Variants in LYPD5 observed in about 807,000 individuals in gnomAD.
LYPD5 encodes LY6/PLAUR domain containing 5.
LYPD5 carries 21 observed loss-of-function variants against 19.1 expected under a neutral mutation model. The ratio of observed to expected loss-of-function variants is 1.10; its 90% confidence interval spans 0.78 to 1.58. The LOEUF (loss-of-function observed/expected upper bound fraction) is 1.58, where lower values mean the gene tolerates loss of function less well. Among genes scored for constraint, LYPD5 ranks in the 40% most tolerant of loss-of-function variants. The probability of loss-of-function intolerance (pLI) is 0.00; values close to 1 mark genes in which losing one functional copy is unlikely to be tolerated. For synonymous variants in LYPD5, 128 were observed against 142.7 expected (o/e 0.90, Z 0.74); for missense variants, 287 against 329.8 (o/e 0.87, Z 1.00).
chr19:43,804,005 T>A (rs542047812), upstream of LYPD5, among the ~76,000 whole-genome samples: 1 of 151,874 alleles, frequency 6.6e-6, no homozygotes, highest in South Asian at 2.1e-4. Flanking sequence ...GCCTGGCTAA[T>A]TTTTGTATTT....
chr19:43,811,735 G>A (rs200686340), intron 1 of LYPD5, among the ~76,000 whole-genome samples: 4 of 47,220 alleles, frequency 8.5e-5, no homozygotes, highest in East Asian at 9.1e-4. Flanking sequence ...GAGAGGGAGG[G>A]AGGAAGGAAG....
chr19:43,807,854 A>G (rs1041111634), intron 1 of LYPD5, among the ~76,000 whole-genome samples: 1 of 152,232 alleles, frequency 6.6e-6, no homozygotes, highest in Non-Finnish European at 1.5e-5. Context: ...AGGGGCTGAC[A>G]TCAGAAGCAG....
chr19:43,818,876 T>C (rs913557701), intron 1 of LYPD5, among the ~76,000 whole-genome samples: 15 of 152,252 alleles, frequency 9.9e-5, no homozygotes, highest in Admixed American at 6.5e-4. Flanking sequence ...TGCTGTATCA[T>C]TAATGACTAA....
chr19:43,798,417 T>G, intron 4 of LYPD5, 38 bp downstream of exon 4: 1 of 1,600,768 alleles, frequency 6.2e-7, no homozygotes, highest in Non-Finnish European at 8.5e-7. Flanking sequence ...TGCCTCCATA[T>G]CCCTTGCCCA....
In LYPD5 at chr19:43,799,760, G is replaced by C. The variant is rs114779742; in HGVS notation, c.139C>G (p.Pro47Ala). ...GPFDLRAMKL[P>A]SISCPHECFE... ...CACTCATGAGGACAGGAGATGCTGG[G>C]CAGCTTCATGGCCCTGAGGTCAAAG... The change falls in exon 2 of 5, where the codon CCC becomes GCC. Residue 47 changes from proline to alanine, a missense_variant. Transcript: ENST00000377950. 2.2e-4 allele frequency: 358 copies of C among 1,614,006 alleles called. No individual in the cohort carries two copies. The highest frequency in any genetic ancestry group is 3.0e-4 in the Non-Finnish European group (350 of 1,179,954).
At chr19:43,812,335 TTCTATCTATCTATCTATCTA>T (rs61040752) in intron 1 of LYPD5, among the ~76,000 whole-genome samples, 3 of 143,274 alleles carry the variant, frequency 2.1e-5, no homozygotes, top group African/African-American at 8.0e-5. Context: ...TGGTTATTTT[TTCTATCTATCTATCTATCTA>T]TCTATCTATC....
chr19:43,810,685 T>G (rs1218282324), intron 1 of LYPD5, among the ~76,000 whole-genome samples: 1 of 151,314 alleles, frequency 6.6e-6, no homozygotes, highest in Non-Finnish European at 1.5e-5. Flanking sequence ...CAGGCTGGAA[T>G]GCAGCGATCT....
chr19:43,802,290 C>G (rs750136061), intron 1 of LYPD5, 27 bp downstream of exon 1: 1 of 1,546,992 alleles, frequency 6.5e-7, no homozygotes. Flanking sequence ...TGCCCCTTCT[C>G]ACTACTGGAT....
chr19:43,799,028 C>T, intron 2 of LYPD5, 40 bp from the exon 3 acceptor site: 1 of 1,519,470 alleles, frequency 6.6e-7, no homozygotes, highest in Non-Finnish European at 8.8e-7. Flanking sequence ...CTTCCCGAAA[C>T]CCTTCTCCCT....
At chr19:43,815,640 A>G (rs1015171610) in intron 1 of LYPD5, 21 of 191,628 alleles carry the variant, frequency 1.1e-4, no homozygotes, top group Non-Finnish European at 2.3e-4. Flanking sequence ...AGAGAAAAAA[A>G]GAACACTATT....
At chr19:43,814,267 C>T (rs1331410375) in intron 1 of LYPD5, among the ~76,000 whole-genome samples, 5 of 152,198 alleles carry the variant, frequency 3.3e-5, no homozygotes, top group Admixed American at 6.5e-5. Flanking sequence ...TCAGGCGGGA[C>T]GATGGCTTGA....
intron 1 of LYPD5, among the ~76,000 whole-genome samples, chr19:43,814,481 A>G (rs1200263081): frequency 6.6e-6 from 1 of 151,060 alleles, no homozygotes. Flanking sequence ...GTAACAGAGA[A>G]AGACCTGTCT....
intron 1 of LYPD5, among the ~76,000 whole-genome samples, chr19:43,812,002 C>A (rs1438929992): frequency 6.6e-6 from 1 of 152,076 alleles, no homozygotes; most frequent in Admixed American, 6.6e-5. Context: ...TTCTGCTGGG[C>A]TCTGTCATGT....
intron 1 of LYPD5, among the ~76,000 whole-genome samples, chr19:43,813,907 C>T (rs1253602081): frequency 1.3e-5 from 2 of 152,056 alleles, no homozygotes; most frequent in Admixed American, 6.6e-5. Flanking sequence ...AGGCTGGTCT[C>T]GAACTCCTGA....
chr19:43,817,951 T>C (rs988236991), intron 1 of LYPD5, among the ~76,000 whole-genome samples: 1 of 152,126 alleles, frequency 6.6e-6, no homozygotes, highest in South Asian at 2.1e-4. Flanking sequence ...CCTGACCACA[T>C]GATCCACCCG....
chr19:43,803,202 A>G (rs1970243618), upstream of LYPD5, among the ~76,000 whole-genome samples: 1 of 152,244 alleles, frequency 6.6e-6, no homozygotes, highest in South Asian at 2.1e-4. Context: ...ACCCCGATAG[A>G]CACGACATGC....
intron 1 of LYPD5, among the ~76,000 whole-genome samples, chr19:43,818,121 A>C (rs1445693091): frequency 6.6e-6 from 1 of 152,212 alleles, no homozygotes; most frequent in Non-Finnish European, 1.5e-5. Flanking sequence ...AAACAACCAT[A>C]GGGTGAGTTC....
At chr19:43,804,863 C>T (rs1970257554), upstream of LYPD5, among the ~76,000 whole-genome samples, 1 of 152,216 alleles carries the variant, frequency 6.6e-6, no homozygotes, top group African/African-American at 2.4e-5. Flanking sequence ...AAGGTCTTCA[C>T]AGCAGTTGTC....
chr19:43,797,876 A>G, intron 4 of LYPD5, 47 bp from the exon 5 acceptor site: 1 of 1,416,404 alleles, frequency 7.1e-7, no homozygotes, highest in South Asian at 1.2e-5. Context: ...TGAGGGAGAC[A>G]GCTGCACCTG....
Sources: gnomAD v4.1 joint callset for allele counts (sites outside exome capture counted in the v4.1 genomes callset) on GRCh38, gnomAD v4.1.1 for gene constraint, MANE v1.5 for transcripts, NCBI Gene and HGNC (gene_info 2026-07-23, HGNC 2026-07-21) for gene names.